TCP1: variants seen among roughly 807,000 people sequenced by gnomAD.
TCP1 encodes t-complex 1.
A neutral mutation model predicts 54.7 loss-of-function variants in TCP1; 6 were observed. The observed-to-expected ratio is 0.11, with a 90% CI of 0.06 to 0.22. The LOEUF (loss-of-function observed/expected upper bound fraction) is 0.22. Among genes scored for constraint, TCP1 ranks in the 10% least tolerant of loss-of-function variants. The probability of loss-of-function intolerance (pLI) is 1.00; values close to 1 mark genes in which losing one functional copy is unlikely to be tolerated. For synonymous variants in TCP1, 225 were observed against 229.7 expected, an observed-to-expected ratio of 0.98 and a Z score of 0.19; for missense variants, 511 against 678.2, an observed-to-expected ratio of 0.75 and a Z score of 2.74.
chr6:159,780,013 G>C lies in TCP1; in HGVS notation c.1172C>G (p.Ser391Cys), dbSNP rs746788251. Residue 391 changes from serine (S) to cysteine (C), a missense_variant, in exon 10 of 12, where the codon TCT (serine) becomes TGT (cysteine). Coordinates refer to ENST00000321394, the MANE Select transcript of TCP1 (RefSeq NM_030752.3). ...NDFMCDEMER[S>C]LHDALCVVKR... ...CACTACACAAAGTGCATCATGTAAA[G>C]AGCGCTCCATCTCATCACACATGAA... 2.5e-5 allele frequency: 40 copies of C among 1,613,982 alleles called. 1 individual carries two copies. The South Asian group carries it at 3.3e-4, about 13-fold the overall frequency.
chr6:159,778,804 T>TAGCA lies in TCP1; in HGVS notation c.*237_*240dup. On this transcript the variant is annotated 3_prime_UTR_variant, in exon 12 of 12. Transcript: ENST00000321394. ...CTGTGCATTGGGGGTGGGATGGGAATAGCAATGTGTGTTCAGAGAGAATGA... is the reference window on the plus strand; with the variant it reads ...CTGTGCATTGGGGGTGGGATGGGAATAGCAAGCAATGTGTGTTCAGAGAGAATGA... 1 of 1,614,192 alleles carries TAGCA rather than the reference T, an allele frequency of 6.2e-7. No individual in the cohort carries two copies. Among genetic ancestry groups the TAGCA allele is most frequent in the East Asian group, 2.2e-5 (1 of 44,874 alleles).
Position 159,779,157 on chromosome 6 carries a change from G to A in TCP1, c.1559C>T (p.Ala520Val), listed in dbSNP as rs1226758805. Residue 520 changes from alanine to valine, a missense_variant, in exon 12 of 12, where the codon GCT (alanine) becomes GTT (valine). Physicochemically the swap from Ala to Val is moderately conservative, Grantham distance 64. Around this residue, in one of 5 missense-constraint regions of TCP1, gnomAD observed 88 missense variants for 153.1 expected, o/e 0.57. Transcript: ENST00000321394. The stretch of plus-strand genomic sequence containing the variant: ...ATCAATTCGAAGAATGGTGATTGCA[G>A]CTTCTGTTGCAAATTTCAAACTCTT... ...KVKSLKFATE[A>V]AITILRIDDL... 1 of 1,613,492 alleles carries A rather than the reference G, an allele frequency of 6.2e-7. No individual in the cohort carries two copies. Among genetic ancestry groups the A allele is most frequent in the South Asian group, 1.1e-5 (1 of 91,066 alleles).
rs1780506078 is a variant in TCP1, at chr6:159,779,041, C to G, written c.*4G>C. On this transcript the variant is annotated 3_prime_UTR_variant, in exon 12 of 12. Transcript: ENST00000321394. ...ACATTGTTATAAATAAAAGGAACAT[C>G]AGATCAATCATTAAGGGCTCCAGAG... 2 of 1,610,882 alleles carry G rather than the reference C, an allele frequency of 1.2e-6. No homozygotes were observed. Among genetic ancestry groups the G allele is most frequent in the Admixed American group, 1.7e-5 (1 of 59,794 alleles).
chr6:159,789,445 G>A lies in TCP1; in HGVS notation c.24C>T (p.Phe8=), dbSNP rs1780796879. 1 of 1,613,256 alleles carries A rather than the reference G, an allele frequency of 6.2e-7. No individual in the cohort carries two copies. Among genetic ancestry groups the A allele is most frequent in the African/African-American group, 1.3e-5 (1 of 74,878 alleles). Residue 8 remains phenylalanine, a synonymous_variant, in exon 1 of 12, where the codon TTC becomes TTT. Coordinates refer to ENST00000321394, the MANE Select transcript of TCP1 (RefSeq NM_030752.3). The stretch of plus-strand genomic sequence containing the variant: ...TCGTTTCCCCAGTGCTGCGGTCACC[G>A]AACACGGACAAAGGCCCCTCCATCT... MEGPLSV[F]GDRSTGETIR... is the part of the protein sequence containing the mutation.
intron 6 of TCP1, 45 bp from the exon 7 acceptor site, chr6:159,784,112 G>A: frequency 6.3e-7 from 1 of 1,584,392 alleles, no homozygotes; most frequent in Non-Finnish European, 8.6e-7. Context: ...ATCCTTAAAA[G>A]CATAATAAAG....
intron 7 of TCP1, among the ~76,000 whole-genome samples, chr6:159,782,769 G>A (rs1297751131): frequency 6.6e-6 from 1 of 151,996 alleles, no homozygotes; most frequent in Non-Finnish European, 1.5e-5. Context: ...GGCATAGAGA[G>A]ATAATACATG....
At chr6:159,784,903 T>G in intron 5 of TCP1, 56 bp from the exon 6 acceptor site, 1 of 1,568,086 alleles carries the variant, frequency 6.4e-7, no homozygotes, top group Admixed American at 1.8e-5. Flanking sequence ...GGTACACACG[T>G]GAAAAATCAA....
At chr6:159,784,105 C>T (rs1160521959) in intron 6 of TCP1, 38 bp from the exon 7 acceptor site, 2 of 1,594,406 alleles carry the variant, frequency 1.3e-6, no homozygotes, top group South Asian at 2.3e-5. Context: ...TACGTCTATC[C>T]TTAAAAGCAT....
At chr6:159,782,325 T>G (rs1780595730) in intron 7 of TCP1, among the ~76,000 whole-genome samples, 1 of 152,216 alleles carries the variant, frequency 6.6e-6, no homozygotes, top group African/African-American at 2.4e-5. Context: ...AAGTACTGTG[T>G]GCTACACACT....
chr6:159,779,002 G>T lies in TCP1; in HGVS notation c.*43C>A. On this transcript the variant is annotated 3_prime_UTR_variant, in exon 12 of 12. Transcript: ENST00000321394. ...GTGTAATACTCAACTCAAGGTACAA[G>T]ACAATTGCATTTAACATTGTTATAA... 6.3e-7 allele frequency: 1 copy of T among 1,591,788 alleles called. No homozygotes were observed. The highest frequency in any genetic ancestry group is 8.6e-7 in the Non-Finnish European group (1 of 1,163,652).
intron 5 of TCP1, 61 bp downstream of exon 5, chr6:159,785,325 G>C (rs1252074913): frequency 1.0e-5 from 13 of 1,247,396 alleles, no homozygotes; most frequent in Non-Finnish European, 1.5e-5. Context: ...ATACCACCAT[G>C]CCCATCTCAA....
In TCP1 at chr6:159,780,490, T is replaced by C. The variant is rs746184115; in HGVS notation, c.1050A>G (p.Glu350=). 20 of 1,613,900 alleles carry C rather than the reference T, an allele frequency of 1.2e-5. No homozygotes were observed. Among genetic ancestry groups the C allele is most frequent in the African/African-American group, 4.0e-5 (3 of 74,930 alleles). Residue 350 remains glutamate (E), a synonymous_variant, in exon 9 of 12, where the codon GAA becomes GAG. Transcript: ENST00000321394. ...FEAAMLGQAE[E]VVQERICDDE... The stretch of plus-strand genomic sequence containing the variant: ...CATCACAAATTCTCTCCTGTACCAC[T>C]TCTTCTGCCTGTCCCAACATTGCAG...
chr6:159,788,018 T>G (rs1011703537), intron 2 of TCP1, 40 bp downstream of exon 2: 50 of 1,611,494 alleles, frequency 3.1e-5, no homozygotes, highest in Non-Finnish European at 4.1e-5. Flanking sequence ...GAAGATAGTT[T>G]TACTTTAAGG....
At chr6:159,785,186 G>T (rs1401877003) in intron 5 of TCP1, 200 bp downstream of exon 5, 2 of 611,072 alleles carry the variant, frequency 3.3e-6, no homozygotes, top group East Asian at 2.7e-5. Flanking sequence ...ACGCGTGCGC[G>T]CAACACATGC....
At position 159,779,037 on chromosome 6, in the gene TCP1, A is replaced by C. The variant is rs1285436735; in HGVS notation, c.*8T>G. 5 of 1,609,562 alleles carry C rather than the reference A, an allele frequency of 3.1e-6. No homozygotes were observed. In the South Asian group the frequency reaches 4.4e-5, roughly 14 times the overall value. ...TTTAACATTGTTATAAATAAAAGGA[A>C]CATCAGATCAATCATTAAGGGCTCC... On this transcript the variant is annotated 3_prime_UTR_variant, in exon 12 of 12. Transcript: ENST00000321394.
Position 159,789,496 on chromosome 6 carries a change from C to G in TCP1, c.-28G>C. The G allele has an allele frequency of 6.2e-7, 1 of 1,613,630 alleles. No individual in the cohort carries two copies. Among genetic ancestry groups the G allele is most frequent in the Non-Finnish European group, 8.5e-7 (1 of 1,179,726 alleles). ...TGACGGCAGCGATACACGTCGAATT[C>G]TGCTTACACCGCGGGCAACCAGTAT... is the stretch of plus-strand genomic sequence containing the variant. On this transcript the variant is annotated 5_prime_UTR_variant, in exon 1 of 12. Transcript: ENST00000321394.
rs935278609 is a variant in TCP1, at chr6:159,779,631, T to G, written c.1450A>C (p.Lys484Gln). The G allele has an allele frequency of 5.0e-6, 8 of 1,598,802 alleles. No homozygotes were observed. Among genetic ancestry groups the G allele is most frequent in the Non-Finnish European group, 6.8e-6 (8 of 1,175,978 alleles). Residue 484 changes from lysine (K) to glutamine (Q), a missense_variant, in exon 11 of 12, where the codon AAA becomes CAA. By Grantham distance (53) the Lys-to-Gln change is moderately conservative. This residue lies in a region of TCP1 where 88 missense variants were observed against 153.1 expected (regional missense o/e 0.57). Transcript: ENST00000321394. ...AQVNPERKNL[K>Q]WIGLDLSNGK... Reference sequence around the variant, plus strand: ...AGAGCGGGAAACCATGCTTACCATTTTAGATTTTTACGTTCTGGGTTAACC... The same window carrying G: ...AGAGCGGGAAACCATGCTTACCATTGTAGATTTTTACGTTCTGGGTTAACC...
chr6:159,780,714 G>T, intron 8 of TCP1, 148 bp from the exon 9 acceptor site: 1 of 1,260,414 alleles, frequency 7.9e-7, no homozygotes, highest in Non-Finnish European at 1.1e-6. Context: ...ATCCTAAGAT[G>T]GAACTGTCAT....
intron 4 of TCP1, 200 bp downstream of exon 4, chr6:159,785,700 T>C (rs1333995556): frequency 5.1e-6 from 4 of 789,444 alleles, no homozygotes; most frequent in Middle Eastern, 4.5e-4. Context: ...CTAAAATCTA[T>C]TATTAGGAGA....
Sources: gnomAD v4.1 joint callset for allele counts (sites outside exome capture counted in the v4.1 genomes callset) on GRCh38, gnomAD v4.1.1 for gene constraint, gnomAD v4.1.1 regional missense constraint, MANE v1.5 for transcripts, NCBI Gene and HGNC (gene_info 2026-07-23, HGNC 2026-07-21) for gene names.